The following SYN2 variants were observed in gnomAD, a reference collection of about 807,000 sequenced individuals.
SYN2 encodes synapsin II.
In SYN2, 19 loss-of-function variants were observed where a neutral mutation model predicts 50.9. The ratio of observed to expected loss-of-function variants is 0.37; its 90% CI spans 0.26 to 0.55. The LOEUF (loss-of-function observed/expected upper bound fraction) is 0.55, where lower values mean the gene tolerates loss of function less well. SYN2 is among the 20% of genes least tolerant of loss of function. SYN2 has a pLI of 0.81. For synonymous variants in SYN2, 255 were observed against 224.9 expected (o/e 1.13, Z -1.20); for missense variants, 587 against 576.4 (o/e 1.02, Z -0.19).
intron 1 of SYN2, among the ~76,000 whole-genome samples, chr3:12,126,208 T>A (rs1030079891): frequency 2.0e-5 from 3 of 152,224 alleles, no homozygotes; most frequent in African/African-American, 7.2e-5. Flanking sequence ...ATTCCCCAAA[T>A]TCCAAATGAT....
intron 1 of SYN2, among the ~76,000 whole-genome samples, chr3:12,066,533 G>T (rs1695220863): frequency 6.6e-6 from 1 of 152,034 alleles, no homozygotes; most frequent in Non-Finnish European, 1.5e-5. Context: ...AGAAAATCTG[G>T]CTGGCTTTTA....
chr3:12,129,365 G>A (rs900088623), intron 1 of SYN2, among the ~76,000 whole-genome samples: 1 of 152,142 alleles, frequency 6.6e-6, no homozygotes, highest in South Asian at 2.1e-4. Flanking sequence ...TTGGAAATGG[G>A]TACTGTCCTT....
In SYN2 at chr3:12,077,193, G is replaced by T. The variant is rs112046744; in HGVS notation, c.378-63458G>T. On this transcript the variant is annotated intron_variant, in intron 1 of 12. Coordinates refer to ENST00000621198, the MANE Select transcript of SYN2 (RefSeq NM_133625.6). ...TATGTAAAGTTAAGCATTGAGCTTGGTATCAGTGACCCAATTAAGATGGTT... is the reference window on the plus strand; with the variant it reads ...TATGTAAAGTTAAGCATTGAGCTTGTTATCAGTGACCCAATTAAGATGGTT... 1.7e-4 allele frequency among the ~76,000 whole-genome samples: 26 copies of T among 152,004 alleles called. 2 individuals carry two copies. Among genetic ancestry groups the T allele is most frequent in the African/African-American group, 6.0e-4 (25 of 41,460 alleles).
At chr3:12,111,789 G>A (rs747614222) in intron 1 of SYN2, among the ~76,000 whole-genome samples, 7 of 152,132 alleles carry the variant, frequency 4.6e-5, no homozygotes, top group Non-Finnish European at 1.0e-4. Flanking sequence ...ACTGCTTTGG[G>A]CCATTCATTC....
intron 8 of SYN2, among the ~76,000 whole-genome samples, chr3:12,167,953 G>T (rs996213816): frequency 6.6e-6 from 1 of 152,192 alleles, no homozygotes; most frequent in African/African-American, 2.4e-5. Flanking sequence ...GCCGCATTGT[G>T]TCCGTGCCCT....
intron 10 of SYN2, among the ~76,000 whole-genome samples, chr3:12,174,567 C>T (rs533956750): frequency 3.7e-4 from 56 of 152,216 alleles, no homozygotes; most frequent in African/African-American, 1.2e-3. Context: ...CTGCCACCAC[C>T]GCCTCCCGGG....
chr3:12,096,817 ATGAACT>A (rs1160550330), intron 1 of SYN2, among the ~76,000 whole-genome samples: 1 of 152,144 alleles, frequency 6.6e-6, no homozygotes. Context: ...AGGAAAAAAA[ATGAACT>A]TGAAAATAGA....
At chr3:12,127,412 C>T (rs1209619701) in intron 1 of SYN2, among the ~76,000 whole-genome samples, 1 of 152,194 alleles carries the variant, frequency 6.6e-6, no homozygotes, top group Non-Finnish European at 1.5e-5. Context: ...AACTTTCTGT[C>T]TTTAAGCCTC....
At position 12,041,684 on chromosome 3, in the gene SYN2, G is replaced by A. The variant is rs116369596; in HGVS notation, c.377+36756G>A. ...CCAGTCTAAGGTGTAAATGCTGCCA[G>A]GCTTTTTTCCATAAAGCCCTGCTTT... is the stretch of plus-strand genomic sequence containing the variant. On this transcript the variant is annotated intron_variant, in intron 1 of 12. Coordinates refer to ENST00000621198, the MANE Select transcript of SYN2 (RefSeq NM_133625.6). 9.9e-3 allele frequency among the ~76,000 whole-genome samples: 1,505 copies of A among 152,260 alleles called. 8 individuals are homozygous for A. Among genetic ancestry groups the A allele is most frequent in the Non-Finnish European group, 0.015 (1,013 of 68,014 alleles).
chr3:12,183,400 A>G, intron 11 of SYN2, 28 bp downstream of exon 11: 2 of 1,613,770 alleles, frequency 1.2e-6, no homozygotes, highest in Non-Finnish European at 8.5e-7. Context: ...CTCGACTGTA[A>G]TGGCATTGCA....
At chr3:12,183,205 A>G (rs1698261339) in intron 10 of SYN2, 107 bp from the exon 11 acceptor site, 2 of 1,431,910 alleles carry the variant, frequency 1.4e-6, no homozygotes, top group South Asian at 2.9e-5. Flanking sequence ...GGATCCCACC[A>G]GGTCCCACCG....
intron 1 of SYN2, among the ~76,000 whole-genome samples, chr3:12,086,964 A>C (rs1406042867): frequency 1.3e-5 from 2 of 152,102 alleles, no homozygotes; most frequent in African/African-American, 4.8e-5. Context: ...AATCCTAAAG[A>C]CTCCACCAAA....
At chr3:12,180,865 T>TC (rs1181118877) in intron 10 of SYN2, among the ~76,000 whole-genome samples, 2 of 152,224 alleles carry the variant, frequency 1.3e-5, no homozygotes, top group African/African-American at 4.8e-5. Context: ...CATGGTGTGA[T>TC]CACCCCTGTG....
chr3:12,150,182 T>C (rs1415450009), intron 4 of SYN2, among the ~76,000 whole-genome samples: 1 of 152,250 alleles, frequency 6.6e-6, no homozygotes, highest in African/African-American at 2.4e-5. Flanking sequence ...TCTAGCAGCT[T>C]TCCCTTCTAG....
chr3:12,169,975 G>A, intron 10 of SYN2, 69 bp downstream of exon 10: 2 of 1,510,956 alleles, frequency 1.3e-6, no homozygotes, highest in Non-Finnish European at 1.8e-6. Flanking sequence ...AGATGTTGAT[G>A]GCTAAAGAAT....
chr3:12,175,344 G>A (rs1698041165), intron 10 of SYN2, among the ~76,000 whole-genome samples: 1 of 152,210 alleles, frequency 6.6e-6, no homozygotes, highest in African/African-American at 2.4e-5. Context: ...GTGTGCAAGT[G>A]GAAAGGATGT....
rs1698304029 is a variant in SYN2, at chr3:12,184,773, G to C, written c.1369+1401G>C. On this transcript the variant is annotated intron_variant, in intron 11 of 12. Coordinates refer to ENST00000621198, the MANE Select transcript of SYN2 (RefSeq NM_133625.6). ...AGGCAGTTCATTAAACCAGGCCTCA[G>C]CTTCAGTGCCTCATCTTGCCATCTC... 3 of 985,810 alleles carry C rather than the reference G, an allele frequency of 3.0e-6. No homozygotes were observed. The African/African-American group carries it at 5.2e-5, about 17-fold the overall frequency. 61.1% of individuals were successfully genotyped at this position (985,810 alleles called of 1,614,324 possible).
At chr3:12,097,416 C>T (rs1248936581) in intron 1 of SYN2, among the ~76,000 whole-genome samples, 1 of 151,926 alleles carries the variant, frequency 6.6e-6, no homozygotes, top group Non-Finnish European at 1.5e-5. Context: ...ACCATCCTGG[C>T]TAACACGGTG....
intron 10 of SYN2, among the ~76,000 whole-genome samples, chr3:12,179,374 G>GAAAAAAAAAA (rs536283283): frequency 1.5e-4 from 14 of 92,546 alleles, no homozygotes; most frequent in South Asian, 9.2e-4. Context: ...AGAACTGAAA[G>GAAAAAAAAAA]AAAAAAAAAA....
Sources: allele counts gnomAD v4.1 joint callset (sites outside exome capture counted in the v4.1 genomes callset), GRCh38; gene constraint gnomAD v4.1.1; transcripts MANE v1.5; gene names NCBI Gene and HGNC (gene_info 2026-07-23, HGNC 2026-07-21).